Variants in TBC1D14 observed in about 807,000 individuals in gnomAD.
TBC1D14 encodes TBC1 domain family, member 14.
Under a neutral mutation model 79.0 loss-of-function variants are expected in TBC1D14, and 26 were observed. That is an observed-to-expected ratio of 0.33 (90% CI 0.24 to 0.46). The LOEUF (loss-of-function observed/expected upper bound fraction) is 0.46. Ranked by LOEUF, TBC1D14 falls within the 20% of genes least tolerant of loss-of-function variation. The probability of loss-of-function intolerance (pLI) is 1.00; values close to 1 mark genes in which losing one functional copy is unlikely to be tolerated. For synonymous variants in TBC1D14, 394 were observed against 349.9 expected, an observed-to-expected ratio of 1.13 and a Z score of -1.40; for missense variants, 769 against 887.6, an observed-to-expected ratio of 0.87 and a Z score of 1.70.
At chr4:6,932,376 T>TAAAA (rs34196506) in intron 2 of TBC1D14, among the ~76,000 whole-genome samples, 1 of 143,920 alleles carries the variant, frequency 6.9e-6, no homozygotes, top group Admixed American at 6.9e-5. Context: ...GTCTGGAAAT[T>TAAAA]AAAAAAAAAA....
chr4:6,911,679 T>C (rs766739083), intron 1 of TBC1D14, among the ~76,000 whole-genome samples: 1 of 152,178 alleles, frequency 6.6e-6, no homozygotes, highest in Non-Finnish European at 1.5e-5. Context: ...CCTTCCCTCC[T>C]CTACTCTGGG....
chr4:6,964,505 T>G lies in TBC1D14; in HGVS notation c.723-2799T>G, dbSNP rs533115078. Among the ~76,000 whole-genome samples, 39 of 152,362 alleles carry G rather than the reference T, an allele frequency of 2.6e-4. 2 individuals are homozygous for G. The Middle Eastern group carries it at 0.02, about 80-fold the overall frequency. On this transcript the variant is annotated intron_variant, in intron 2 of 13. Coordinates refer to ENST00000409757, the MANE Select transcript of TBC1D14 (RefSeq NM_020773.3). ...CAAGTTCTGGATGCCAGGTTCTTAG[T>G]GTCTTCTACTGCCTGAAGTTTTAAC...
chr4:6,919,634 A>C (rs1356298944), intron 1 of TBC1D14, among the ~76,000 whole-genome samples: 2 of 151,466 alleles, frequency 1.3e-5, no homozygotes, highest in Non-Finnish European at 2.9e-5. Context: ...TTATTTATTT[A>C]TTTTGAGATG....
Position 6,999,137 on chromosome 4 carries a change from C to T in TBC1D14, c.1098C>T (p.Val366=), listed in dbSNP as rs566159747. Reference sequence around the variant, plus strand: ...AGCAGCTGGAAGAAAGATGCAGAGTCGAGGAAAGCATTGGAAACGCTGTGC... The same window carrying T: ...AGCAGCTGGAAGAAAGATGCAGAGTTGAGGAAAGCATTGGAAACGCTGTGC... ...RKKQLEERCR[V]EESIGNAVLT... is the part of the protein sequence containing the mutation. The change falls in exon 6 of 14, where the codon GTC becomes GTT. Residue 366 remains valine (V), a synonymous_variant. Coordinates refer to ENST00000409757, the MANE Select transcript of TBC1D14 (RefSeq NM_020773.3). 4.4e-5 allele frequency: 71 copies of T among 1,614,102 alleles called. No homozygotes were observed. The South Asian group carries it at 7.2e-4, about 16-fold the overall frequency.
intron 13 of TBC1D14, among the ~76,000 whole-genome samples, chr4:7,028,913 C>T (rs1722757898): frequency 1.3e-5 from 2 of 152,140 alleles, no homozygotes; most frequent in Admixed American, 1.3e-4. Context: ...TCACAGCTCA[C>T]TGCAGCCTGA....
At chr4:7,029,643 G>C (rs762803829) in intron 13 of TBC1D14, among the ~76,000 whole-genome samples, 1 of 152,198 alleles carries the variant, frequency 6.6e-6, no homozygotes, top group African/African-American at 2.4e-5. Flanking sequence ...TGGCCAATAC[G>C]GTGAAACCCT....
chr4:6,972,958 A>G (rs1249416062), intron 3 of TBC1D14, among the ~76,000 whole-genome samples: 1 of 152,162 alleles, frequency 6.6e-6, no homozygotes, highest in African/African-American at 2.4e-5. Flanking sequence ...CCGACATAAC[A>G]CTGTGTACAT....
intron 1 of TBC1D14, among the ~76,000 whole-genome samples, chr4:6,922,693 T>G (rs1450934203): frequency 6.6e-6 from 1 of 152,216 alleles, no homozygotes; most frequent in Non-Finnish European, 1.5e-5. Flanking sequence ...GTATGGGTTA[T>G]GGATTCACAT....
intron 3 of TBC1D14, among the ~76,000 whole-genome samples, chr4:6,991,634 G>C (rs184574499): frequency 2.6e-5 from 4 of 152,322 alleles, no homozygotes; most frequent in Non-Finnish European, 2.9e-5. Context: ...GGTACAGCGT[G>C]TCCTTGTGCA....
At chr4:6,909,687 G>C (rs1307912737), upstream of TBC1D14, among the ~76,000 whole-genome samples, 1 of 151,226 alleles carries the variant, frequency 6.6e-6, no homozygotes, top group Non-Finnish European at 1.5e-5. Flanking sequence ...AGCTCCAGAC[G>C]CGGCGGCACG....
intron 3 of TBC1D14, among the ~76,000 whole-genome samples, chr4:6,992,950 CA>C (rs1718656653): frequency 2.0e-5 from 3 of 152,334 alleles, no homozygotes; most frequent in African/African-American, 7.2e-5. Context: ...GAAACTGCCC[CA>C]CCCAACTGCT....
In TBC1D14 at chr4:7,030,558, A is replaced by G; in HGVS notation, c.*166A>G. The G allele has an allele frequency of 3.0e-6, 2 of 656,486 alleles. No homozygotes were observed. Among genetic ancestry groups the G allele is most frequent in the Non-Finnish European group, 5.1e-6 (2 of 388,856 alleles). 40.7% of individuals were successfully genotyped at this position (656,486 alleles called of 1,614,324 possible). A position where few individuals can be genotyped will look rare whatever the true frequency, so the allele number is the denominator to read the frequency against. ...AAAACAAACACAAAAACTTTTAAAG[A>G]ATTAAACCAAGGCTTAGCCTTAAGC... On this transcript the variant is annotated 3_prime_UTR_variant, in exon 14 of 14. Coordinates refer to ENST00000409757, the MANE Select transcript of TBC1D14 (RefSeq NM_020773.3).
intron 2 of TBC1D14, among the ~76,000 whole-genome samples, chr4:6,942,810 C>T (rs1012799374): frequency 1.3e-5 from 2 of 152,136 alleles, no homozygotes; most frequent in African/African-American, 4.8e-5. Flanking sequence ...CTGGGTCACC[C>T]TTACCCTAAT....
At chr4:6,955,550 A>G (rs1714552619) in intron 2 of TBC1D14, among the ~76,000 whole-genome samples, 3 of 152,304 alleles carry the variant, frequency 2.0e-5, no homozygotes, top group Admixed American at 1.3e-4. Flanking sequence ...GGCACTCTCC[A>G]TGGGAGCCGA....
At chr4:6,989,564 C>T (rs926773803) in intron 3 of TBC1D14, among the ~76,000 whole-genome samples, 8 of 152,216 alleles carry the variant, frequency 5.3e-5, no homozygotes, top group African/African-American at 1.9e-4. Context: ...CTCGCCCCTC[C>T]TGGCACATCT....
chr4:6,920,608 G>C (rs767566230), intron 1 of TBC1D14, among the ~76,000 whole-genome samples: 1 of 152,160 alleles, frequency 6.6e-6, no homozygotes, highest in Non-Finnish European at 1.5e-5. Context: ...TCTGTTTGAT[G>C]ATAGCAGCTA....
chr4:6,922,825 G>A (rs915466195), intron 1 of TBC1D14, among the ~76,000 whole-genome samples: 3 of 152,076 alleles, frequency 2.0e-5, no homozygotes, highest in Non-Finnish European at 4.4e-5. Flanking sequence ...GGTAGGGAGC[G>A]TGATGATTAT....
At chr4:6,987,320 C>T in intron 3 of TBC1D14, 1 of 1,403,722 alleles carries the variant, frequency 7.1e-7, no homozygotes, top group Middle Eastern at 2.2e-4. Flanking sequence ...GAGCCTCCGG[C>T]CGCGCGCCTC....
chr4:6,925,242 G>A (rs558333492), intron 2 of TBC1D14, among the ~76,000 whole-genome samples: 3 of 152,200 alleles, frequency 2.0e-5, no homozygotes, highest in Admixed American at 6.5e-5. Context: ...ACTCCAGCCT[G>A]GGCGACAGAA....
Sources: gnomAD v4.1 joint callset for allele counts (sites outside exome capture counted in the v4.1 genomes callset) on GRCh38, gnomAD v4.1.1 for gene constraint, MANE v1.5 for transcripts, NCBI Gene and HGNC (gene_info 2026-07-23, HGNC 2026-07-21) for gene names.